RNF149: variants seen among roughly 807,000 people sequenced by gnomAD.
The protein encoded by RNF149 is E3 ubiquitin-protein ligase RNF149.
Under a neutral mutation model 39.0 loss-of-function variants are expected in RNF149, and 21 were observed. The observed-to-expected ratio is 0.54, with a 90% confidence interval of 0.38 to 0.77. The LOEUF is 0.77. RNF149 is among the 30% of genes least tolerant of loss of function. The pLI is 0.00. For synonymous variants in RNF149, 209 were observed against 213.6 expected, an observed-to-expected ratio of 0.98 and a Z score of 0.19; for missense variants, 493 against 534.9, an observed-to-expected ratio of 0.92 and a Z score of 0.77.
chr2:101,285,688 T>C (rs1311321920), intron 5 of RNF149, among the ~76,000 whole-genome samples: 1 of 152,220 alleles, frequency 6.6e-6, no homozygotes, highest in Non-Finnish European at 1.5e-5. Context: ...TGATGTTAAG[T>C]ATTGGCTTTG....
At chr2:101,306,021 A>C (rs1315570567) in intron 1 of RNF149, among the ~76,000 whole-genome samples, 2 of 152,202 alleles carry the variant, frequency 1.3e-5, no homozygotes, top group African/African-American at 4.8e-5. Flanking sequence ...TAGAATGGAC[A>C]CCGATAATGG....
downstream of RNF149, among the ~76,000 whole-genome samples, chr2:101,275,121 T>TG (rs1441502236): frequency 7.1e-5 from 9 of 127,138 alleles, 1 homozygote; most frequent in Middle Eastern, 4.0e-3. Flanking sequence ...GTTTTTTTTT[T>TG]TTTTTTTTTT....
At chr2:101,301,716 A>T (rs1573261170) in intron 1 of RNF149, among the ~76,000 whole-genome samples, 1 of 152,086 alleles carries the variant, frequency 6.6e-6, no homozygotes, top group Non-Finnish European at 1.5e-5. Context: ...CATTTTTTCA[A>T]ATTTCTGTGT....
At chr2:101,281,748 G>T in intron 6 of RNF149, 111 bp downstream of exon 6, 1 of 1,336,978 alleles carries the variant, frequency 7.5e-7, no homozygotes, top group Non-Finnish European at 1.0e-6. Flanking sequence ...CTCTTCGATA[G>T]CTCAAACTCG....
In RNF149 at chr2:101,287,247, G is replaced by A. The variant is rs552069118; in HGVS notation, c.864-1070C>T. Among the ~76,000 whole-genome samples, 197 of 152,196 alleles carry A rather than the reference G, an allele frequency of 1.3e-3. 1 individual carries two copies. The highest frequency in any genetic ancestry group is 4.5e-3 in the African/African-American group (186 of 41,522). On this transcript the variant is annotated intron_variant, in intron 4 of 6. Coordinates refer to ENST00000295317, the MANE Select transcript of RNF149 (RefSeq NM_173647.4). Reference sequence around the variant, plus strand: ...TGAGGCAGGAGAATCGCTTGAACCCGGAAGATGGAGGTTGTAGTGAGCCAA... The same window carrying A: ...TGAGGCAGGAGAATCGCTTGAACCCAGAAGATGGAGGTTGTAGTGAGCCAA...
At chr2:101,294,877 G>A in intron 2 of RNF149, 54 bp downstream of exon 2, 8 of 1,363,368 alleles carry the variant, frequency 5.9e-6, no homozygotes, top group Middle Eastern at 1.8e-4. Context: ...TATATATGCG[G>A]CATATTTATG....
intron 4 of RNF149, among the ~76,000 whole-genome samples, chr2:101,287,370 A>G (rs903124355): frequency 3.3e-5 from 5 of 152,222 alleles, no homozygotes; most frequent in African/African-American, 1.2e-4. Context: ...TTACAAAAAC[A>G]TAAAAGGAAC....
chr2:101,277,340 A>C lies in RNF149; in HGVS notation c.1160-59T>G, dbSNP rs375199040. On this transcript the variant is annotated intron_variant, in intron 6 of 6. Coordinates refer to ENST00000295317, the MANE Select transcript of RNF149 (RefSeq NM_173647.4). ...AGAGGGCAGCATATTCCGAGCTTCA[A>C]CTATGCAAACACACTTACTCACTTG... The C allele has an allele frequency of 1.3e-4, 196 of 1,557,730 alleles. No homozygotes were observed. In the African/African-American group the frequency reaches 2.5e-3, roughly 20 times the overall value.
Position 101,276,642 on chromosome 2 carries a change from C to G in RNF149, c.*596G>C, listed in dbSNP as rs1223992489. The G allele has an allele frequency of 1.0e-6, 1 of 985,592 alleles. No individual in the cohort carries two copies. Among genetic ancestry groups the G allele is most frequent in the Non-Finnish European group, 1.2e-6 (1 of 829,928 alleles). 61.1% of individuals were successfully genotyped at this position (985,592 alleles called of 1,614,324 possible). On this transcript the variant is annotated 3_prime_UTR_variant, in exon 7 of 7. Coordinates refer to ENST00000295317, the MANE Select transcript of RNF149 (RefSeq NM_173647.4). ...GGCAATAAAGGGAAAAATGCAAATCCTAAAGTCATCTAGTGCCTTTCTCAT... is the reference window on the plus strand; with the variant it reads ...GGCAATAAAGGGAAAAATGCAAATCGTAAAGTCATCTAGTGCCTTTCTCAT...
rs540317775 is a variant in RNF149, at chr2:101,286,823, G to A, written c.864-646C>T. On this transcript the variant is annotated intron_variant, in intron 4 of 6. Transcript: ENST00000295317. The stretch of plus-strand genomic sequence containing the variant: ...TAGTATGGGTTTCAGAGCCAGACAG[G>A]CTGGACTCAGATACGAGCTCTGCGA... Among the ~76,000 whole-genome samples the A allele has an allele frequency of 2.0e-5, 3 of 152,326 alleles. No individual in the cohort carries two copies. In the South Asian group the frequency reaches 6.2e-4, roughly 32 times the overall value.
At chr2:101,279,380 T>G (rs1336766315) in intron 6 of RNF149, among the ~76,000 whole-genome samples, 1 of 152,228 alleles carries the variant, frequency 6.6e-6, no homozygotes, top group Non-Finnish European at 1.5e-5. Flanking sequence ...TGTAAGGCAC[T>G]GCAAGTTAAC....
At chr2:101,283,400 T>C (rs1188158812) in intron 5 of RNF149, among the ~76,000 whole-genome samples, 3 of 152,178 alleles carry the variant, frequency 2.0e-5, no homozygotes, top group Non-Finnish European at 4.4e-5. Flanking sequence ...CCTTGCCAAA[T>C]GAATGAAAAC....
At position 101,276,899 on chromosome 2, in the gene RNF149, A is replaced by G. The variant is rs1480779893; in HGVS notation, c.*339T>C. 5.8e-6 allele frequency: 6 copies of G among 1,027,356 alleles called. No homozygotes were observed. Among genetic ancestry groups the G allele is most frequent in the Non-Finnish European group, 7.0e-6 (6 of 853,602 alleles). The allele number at this position is 1,027,356 out of a possible 1,614,324, so 63.6% of individuals were successfully genotyped here. A position where few individuals can be genotyped will look rare whatever the true frequency, so the allele number is the denominator to read the frequency against. On this transcript the variant is annotated 3_prime_UTR_variant, in exon 7 of 7. Transcript: ENST00000295317. ...TGCTTTGCCAAAAACCTTGAAAAAT[A>G]GAATTAACTGGTTTTTACAGAACCA...
chr2:101,282,292 A>T (rs1682624325), intron 5 of RNF149, among the ~76,000 whole-genome samples: 1 of 151,966 alleles, frequency 6.6e-6, no homozygotes, highest in Admixed American at 6.6e-5. Context: ...CCCCTCCTTG[A>T]TACAAGCAAT....
intron 1 of RNF149, among the ~76,000 whole-genome samples, chr2:101,304,815 C>CT (rs1019214475): frequency 1.3e-5 from 2 of 148,852 alleles, no homozygotes; most frequent in African/African-American, 4.9e-5. Flanking sequence ...TCTCCTGAGG[C>CT]TTGGGAAGAG....
Position 101,280,195 on chromosome 2 carries a change from A to AATT in RNF149, c.1159+1663_1159+1664insAAT, listed in dbSNP as rs1558777534. 1.3e-4 allele frequency among the ~76,000 whole-genome samples: 19 copies of AATT among 141,146 alleles called. No individual in the cohort carries two copies. In the Admixed American group the frequency reaches 1.4e-3, roughly 11 times the overall value. The allele number at this position is 141,146 out of a possible 152,430, so 92.6% of individuals were successfully genotyped here. On this transcript the variant is annotated intron_variant, in intron 6 of 6. Coordinates refer to ENST00000295317, the MANE Select transcript of RNF149 (RefSeq NM_173647.4). ...CATCTCAAATAATAATAATAATAATAATAATAATGATGATGATGATGATAA... is the reference window on the plus strand; with the variant it reads ...CATCTCAAATAATAATAATAATAATAATTATAATAATGATGATGATGATGATAA...
intron 5 of RNF149, among the ~76,000 whole-genome samples, chr2:101,285,811 G>A (rs1357573343): frequency 6.6e-6 from 1 of 152,118 alleles, no homozygotes; most frequent in African/African-American, 2.4e-5. Context: ...ACATTCTGTG[G>A]TGCAGCATGC....
chr2:101,276,740 C>T lies in RNF149; in HGVS notation c.*498G>A, dbSNP rs1682358442. The stretch of plus-strand genomic sequence containing the variant: ...ACACTACAGATGGGCAAAAAAGCTA[C>T]AGACATCTCAGTTTACAAGTTTCAA... On this transcript the variant is annotated 3_prime_UTR_variant, in exon 7 of 7. Transcript: ENST00000295317. 2.0e-6 allele frequency: 2 copies of T among 988,622 alleles called. No homozygotes were observed. The highest frequency in any genetic ancestry group is 5.9e-5 in the Admixed American group (1 of 17,012). The allele number at this position is 988,622 out of a possible 1,614,324, so 61.2% of individuals were successfully genotyped here.
At chr2:101,289,707 CAA>C (rs1248141764) in intron 3 of RNF149, among the ~76,000 whole-genome samples, 943 of 68,724 alleles carry the variant, frequency 0.014, 1 homozygote, top group East Asian at 0.042. Flanking sequence ...GACTCTGTCT[CAA>C]AAAAAAAAAA....
Sources: gnomAD v4.1 joint callset for allele counts (sites outside exome capture counted in the v4.1 genomes callset) on GRCh38, gnomAD v4.1.1 for gene constraint, MANE v1.5 for transcripts, NCBI Gene and HGNC (gene_info 2026-07-23, HGNC 2026-07-21) for gene names.